TMEM273: variants seen among roughly 807,000 people sequenced by gnomAD.
TMEM273 encodes the protein chromosome 10 open reading frame 128.
In TMEM273, 19 loss-of-function variants were observed where a neutral mutation model predicts 17.9. That is an observed-to-expected ratio of 1.06 (90% CI 0.74 to 1.55). The LOEUF (loss-of-function observed/expected upper bound fraction) is 1.55, where lower values mean the gene tolerates loss of function less well. Among genes scored for constraint, TMEM273 ranks in the 40% most tolerant of loss-of-function variants. TMEM273 has a pLI of 0.00. For synonymous variants in TMEM273, 66 were observed against 62.0 expected (o/e 1.07, Z -0.31); for missense variants, 194 against 155.6 (o/e 1.25, Z -1.31).
At chr10:49,163,027 T>A (rs1845940543) in intron 5 of TMEM273, among the ~76,000 whole-genome samples, 1 of 152,008 alleles carries the variant, frequency 6.6e-6, no homozygotes, top group Non-Finnish European at 1.5e-5. Flanking sequence ...TGGGACACCC[T>A]CCTGGCCAGG....
chr10:49,174,663 G>C (rs1846829227), intron 1 of TMEM273, among the ~76,000 whole-genome samples: 1 of 152,160 alleles, frequency 6.6e-6, no homozygotes, highest in Non-Finnish European at 1.5e-5. Flanking sequence ...ACCTGGCAAA[G>C]CTGTACAAAA....
chr10:49,182,163 T>C (rs1236240861), intron 1 of TMEM273, among the ~76,000 whole-genome samples: 1 of 152,180 alleles, frequency 6.6e-6, no homozygotes, highest in East Asian at 1.9e-4. Flanking sequence ...TGTAGAGATT[T>C]GTTATGCAGC....
At chr10:49,165,980 A>G (rs1026468720) in intron 3 of TMEM273, among the ~76,000 whole-genome samples, 184 bp from the exon 4 acceptor site, 3 of 152,176 alleles carry the variant, frequency 2.0e-5, no homozygotes, top group African/African-American at 4.8e-5. Context: ...ATACACAAGG[A>G]TAAGCAAACT....
At chr10:49,166,808 G>T in intron 3 of TMEM273, 61 bp downstream of exon 3, 4 of 1,604,448 alleles carry the variant, frequency 2.5e-6, no homozygotes, top group South Asian at 2.2e-5. Flanking sequence ...CAGCATCACA[G>T]AGTGGCCCTC....
At position 49,186,965 on chromosome 10, in the gene TMEM273, A is replaced by G. The variant is rs143807899; in HGVS notation, c.43+1329T>C. Among the ~76,000 whole-genome samples the G allele has an allele frequency of 4.3e-3, 655 of 152,302 alleles. 4 individuals carry two copies. Among genetic ancestry groups the G allele is most frequent in the African/African-American group, 0.014 (590 of 41,548 alleles). On this transcript the variant is annotated intron_variant, in intron 1 of 6. Transcript: ENST00000374153. ...GGTGTTAGATCTTTTATTATTTGTG[A>G]GACTGGACATTTTAAAGTTTTATTG...
At chr10:49,180,599 G>T (rs1847284636) in intron 1 of TMEM273, among the ~76,000 whole-genome samples, 1 of 152,070 alleles carries the variant, frequency 6.6e-6, no homozygotes, top group South Asian at 2.1e-4. Flanking sequence ...AAAATGTTCA[G>T]GTTTCAGTGG....
intron 2 of TMEM273, 75 bp from the exon 3 acceptor site, chr10:49,167,084 A>G: frequency 6.4e-7 from 1 of 1,574,472 alleles, no homozygotes; most frequent in South Asian, 1.2e-5. Context: ...TGAGGTCCAA[A>G]GCATGCATGT....
chr10:49,156,694 C>A (rs900822194), intron 6 of TMEM273, among the ~76,000 whole-genome samples: 2 of 152,234 alleles, frequency 1.3e-5, no homozygotes, highest in African/African-American at 4.8e-5. Flanking sequence ...GGGGCAGCAA[C>A]AGCAGGAAGG....
At chr10:49,179,617 AC>A (rs1847216068) in intron 1 of TMEM273, among the ~76,000 whole-genome samples, 2 of 152,348 alleles carry the variant, frequency 1.3e-5, no homozygotes, top group East Asian at 1.9e-4. Context: ...TATTAAAAAA[AC>A]AAATATAAAA....
chr10:49,165,555 C>T (rs746661680), intron 4 of TMEM273, among the ~76,000 whole-genome samples: 15 of 152,308 alleles, frequency 9.8e-5, no homozygotes, highest in African/African-American at 2.4e-4. Context: ...CTCCCTTTGA[C>T]GGCTGTAGCC....
chr10:49,169,105 C>G (rs1846390338), intron 1 of TMEM273, among the ~76,000 whole-genome samples: 1 of 152,156 alleles, frequency 6.6e-6, no homozygotes, highest in Non-Finnish European at 1.5e-5. Flanking sequence ...GAATGTGAAT[C>G]CAGTGAACTA....
chr10:49,177,196 G>A (rs534946814), intron 1 of TMEM273, among the ~76,000 whole-genome samples: 1 of 152,234 alleles, frequency 6.6e-6, no homozygotes, highest in Non-Finnish European at 1.5e-5. Flanking sequence ...TTCTCCTAGA[G>A]TTCTGGGCAA....
rs1047812579 is a variant in TMEM273, at chr10:49,155,116, T to C, written c.*776A>G. 6.6e-6 allele frequency: 1 copy of C among 152,288 alleles called. No homozygotes were observed. Among genetic ancestry groups the C allele is most frequent in the African/African-American group, 2.4e-5 (1 of 41,476 alleles). The allele number at this position is 152,288 out of a possible 1,614,324, so 9.4% of individuals were successfully genotyped here. On this transcript the variant is annotated 3_prime_UTR_variant, in exon 7 of 7. Coordinates refer to ENST00000374153, the MANE Select transcript of TMEM273 (RefSeq NM_001288740.3). Reference sequence around the variant, plus strand: ...CTCAGCCTCCACCAGTCATGTCTTCTATGCAACAGCCATGTACATTGTAAT... The same window carrying C: ...CTCAGCCTCCACCAGTCATGTCTTCCATGCAACAGCCATGTACATTGTAAT...
intron 1 of TMEM273, among the ~76,000 whole-genome samples, chr10:49,170,359 C>G (rs536038810): frequency 6.6e-6 from 1 of 152,150 alleles, no homozygotes; most frequent in African/African-American, 2.4e-5. Context: ...CTTCACCCCC[C>G]AAATGTGTTG....
intron 1 of TMEM273, chr10:49,178,330 C>G (rs943484294): frequency 2.2e-6 from 1 of 456,642 alleles, no homozygotes; most frequent in Non-Finnish European, 4.4e-6. Context: ...TGTTCCACTT[C>G]GGGCAATAAT....
At chr10:49,166,538 C>A (rs1309976479) in intron 3 of TMEM273, 1 of 326,814 alleles carries the variant, frequency 3.1e-6, no homozygotes, top group Non-Finnish European at 5.9e-6. Context: ...TCCTCTCCCA[C>A]CTTTCTCCAG....
intron 1 of TMEM273, among the ~76,000 whole-genome samples, chr10:49,180,627 C>A (rs1243873442): frequency 1.3e-5 from 2 of 151,854 alleles, no homozygotes; most frequent in Non-Finnish European, 2.9e-5. Flanking sequence ...TTTGTCATAG[C>A]AAGAACCAGG....
At chr10:49,156,942 C>T (rs577241812) in intron 6 of TMEM273, among the ~76,000 whole-genome samples, 1 of 152,260 alleles carries the variant, frequency 6.6e-6, no homozygotes, top group African/African-American at 2.4e-5. Context: ...CCTCAAATGC[C>T]GTCAGGGGTT....
At chr10:49,159,623 A>G (rs865810308) in intron 6 of TMEM273, among the ~76,000 whole-genome samples, 1 of 152,180 alleles carries the variant, frequency 6.6e-6, no homozygotes, top group Admixed American at 6.5e-5. Flanking sequence ...AAGCAATGAC[A>G]CCTCAGTAGC....
Sources: allele counts gnomAD v4.1 joint callset (sites outside exome capture counted in the v4.1 genomes callset), GRCh38; gene constraint gnomAD v4.1.1; transcripts MANE v1.5; gene names NCBI Gene and HGNC (gene_info 2026-07-23, HGNC 2026-07-21).